The following ZNF367 variants were observed in gnomAD, a reference collection of about 807,000 sequenced individuals.
ZNF367 encodes C2H2 zinc finger protein ZFF29.
ZNF367 carries 11 observed loss-of-function variants against 31.8 expected under a neutral mutation model. The ratio of observed to expected loss-of-function variants is 0.35; its 90% CI spans 0.22 to 0.57. ZNF367 has a LOEUF of 0.57. ZNF367 is among the 20% of genes least tolerant of loss of function. The pLI is 0.85. For missense variants in ZNF367, 353 were observed against 484.1 expected, an observed-to-expected ratio of 0.73 and a Z score of 2.54; for synonymous variants, 199 against 202.4, an observed-to-expected ratio of 0.98 and a Z score of 0.14.
At chr9:96,405,314 C>CAAAAAAAAAA (rs975848691) in intron 1 of ZNF367, among the ~76,000 whole-genome samples, 42 of 55,084 alleles carry the variant, frequency 7.6e-4, no homozygotes, top group South Asian at 2.4e-3. Context: ...AACTCTGTCT[C>CAAAAAAAAAA]AAAAAAAAAA....
At chr9:96,415,562 A>C (rs1348577354) in intron 1 of ZNF367, among the ~76,000 whole-genome samples, 6 of 122,828 alleles carry the variant, frequency 4.9e-5, no homozygotes, top group Non-Finnish European at 9.4e-5. Context: ...CAATGGCGCA[A>C]TCTCGGCTCA....
intron 1 of ZNF367, among the ~76,000 whole-genome samples, chr9:96,414,712 G>A (rs1305573294): frequency 6.6e-6 from 1 of 152,132 alleles, no homozygotes; most frequent in Non-Finnish European, 1.5e-5. Context: ...TCTTGACCTC[G>A]TGACCAGCCA....
Position 96,392,440 on chromosome 9 carries a change from T to C in ZNF367, c.788A>G (p.His263Arg), listed in dbSNP as rs777872127. 3.1e-6 allele frequency: 5 copies of C among 1,614,234 alleles called. No individual in the cohort carries two copies. In the East Asian group the frequency reaches 6.7e-5, roughly 22 times the overall value. ...REEPTDTLSK[H>R]QAADNKAAAE... Reference sequence around the variant, plus strand: ...CGCGGCCTTGTTGTCGGCAGCCTGATGTTTGCTGAGTGTGTCCGTGGGCTC... The same window carrying C: ...CGCGGCCTTGTTGTCGGCAGCCTGACGTTTGCTGAGTGTGTCCGTGGGCTC... The change falls in exon 4 of 5, where the codon CAT (histidine) becomes CGT (arginine). Residue 263 changes from histidine to arginine, a missense_variant. Transcript: ENST00000375256.
In ZNF367 at chr9:96,415,485, T is replaced by C. The variant is rs1424109338; in HGVS notation, c.420+2128A>G. Among the ~76,000 whole-genome samples the C allele has an allele frequency of 5.6e-5, 4 of 71,694 alleles. No homozygotes were observed. In the East Asian group the frequency reaches 1.5e-3, roughly 27 times the overall value. 47.0% of individuals were successfully genotyped at this position (71,694 alleles called of 152,430 possible). A position where few individuals can be genotyped will look rare whatever the true frequency, so the allele number is the denominator to read the frequency against. ...TTCTATCGTTAGTTTCTTCATTTTT[T>C]TTTTTTTTTTTTTTTTTTTTTTTTT... On this transcript the variant is annotated intron_variant, in intron 1 of 4. Coordinates refer to ENST00000375256, the MANE Select transcript of ZNF367 (RefSeq NM_153695.4).
At chr9:96,411,328 C>T (rs930164042) in intron 1 of ZNF367, among the ~76,000 whole-genome samples, 1 of 151,678 alleles carries the variant, frequency 6.6e-6, no homozygotes, top group Non-Finnish European at 1.5e-5. Flanking sequence ...AGGAGAATTG[C>T]TTGAGTCCAA....
At chr9:96,415,015 A>C (rs1831799540) in intron 1 of ZNF367, among the ~76,000 whole-genome samples, 1 of 151,990 alleles carries the variant, frequency 6.6e-6, no homozygotes, top group Non-Finnish European at 1.5e-5. Flanking sequence ...TAAAACTTAT[A>C]AATGGTTAAC....
In ZNF367 at chr9:96,385,947, A is replaced by G. The variant is rs1276794958; in HGVS notation, c.*2290T>C. Reference sequence around the variant, plus strand: ...AATGACCGTGTACTTTAAATTTTAAATTAAAATAAATTTTTATTCAAAGCA... The same window carrying G: ...AATGACCGTGTACTTTAAATTTTAAGTTAAAATAAATTTTTATTCAAAGCA... On this transcript the variant is annotated 3_prime_UTR_variant, in exon 5 of 5. Transcript: ENST00000375256. The G allele has an allele frequency of 6.6e-6, 1 of 152,222 alleles. No homozygotes were observed. The highest frequency in any genetic ancestry group is 1.5e-5 in the Non-Finnish European group (1 of 68,036). The allele number at this position is 152,222 out of a possible 1,614,324, so 9.4% of individuals were successfully genotyped here. A position where few individuals can be genotyped will look rare whatever the true frequency, so the allele number is the denominator to read the frequency against.
chr9:96,413,194 T>A lies in ZNF367; in HGVS notation c.420+4419A>T, dbSNP rs76403569. 5.3e-3 allele frequency among the ~76,000 whole-genome samples: 813 copies of A among 152,310 alleles called. 11 individuals carry two copies. The highest frequency in any genetic ancestry group is 0.019 in the African/African-American group (774 of 41,570). On this transcript the variant is annotated intron_variant, in intron 1 of 4. Coordinates refer to ENST00000375256, the MANE Select transcript of ZNF367 (RefSeq NM_153695.4). ...CTAGATTTTGTCTTGGGGACTCTAA[T>A]TTCTCATTCCTCATCAGGTAAACAG...
At chr9:96,399,544 G>A (rs777443861) in intron 1 of ZNF367, among the ~76,000 whole-genome samples, 3 of 152,130 alleles carry the variant, frequency 2.0e-5, no homozygotes, top group South Asian at 2.1e-4. Context: ...AGTGTCGGGC[G>A]TGGTAGCTTA....
chr9:96,410,774 A>C (rs1437495491), intron 1 of ZNF367, among the ~76,000 whole-genome samples: 2 of 151,806 alleles, frequency 1.3e-5, no homozygotes, highest in Admixed American at 1.3e-4. Context: ...GCTACTTGGG[A>C]GGCTGAGGAA....
chr9:96,417,646 C>T lies in ZNF367; in HGVS notation c.387G>A (p.Glu129=), dbSNP rs962880752. 2 of 903,414 alleles carry T rather than the reference C, an allele frequency of 2.2e-6. No individual in the cohort carries two copies. The highest frequency in any genetic ancestry group is 2.9e-6 in the Non-Finnish European group (2 of 694,822). The allele number at this position is 903,414 out of a possible 1,614,324, so 56.0% of individuals were successfully genotyped here. A position where few individuals can be genotyped will look rare whatever the true frequency, so the allele number is the denominator to read the frequency against. ...GGCCGCTGTCTGGGCTGCTCGCTTC[C>T]TCCTCGTCCTCACCTCCCGAGGCGG... ...SAAASGGEDE[E]EASSPDSGHL... Residue 129 remains glutamate, a synonymous_variant, in exon 1 of 5, where the codon GAG becomes GAA. Coordinates refer to ENST00000375256, the MANE Select transcript of ZNF367 (RefSeq NM_153695.4). The surrounding 1 kb of genome is among the most constrained non-coding windows in gnomAD (Gnocchi z 5.0).
chr9:96,416,686 T>C (rs1010995493), intron 1 of ZNF367, among the ~76,000 whole-genome samples: 18 of 152,340 alleles, frequency 1.2e-4, no homozygotes, highest in Middle Eastern at 3.4e-3. Context: ...ACCTGGATAT[T>C]ACCCTTCTGT....
intron 2 of ZNF367, among the ~76,000 whole-genome samples, chr9:96,395,918 A>T (rs923635536): frequency 1.3e-5 from 2 of 152,242 alleles, no homozygotes; most frequent in Admixed American, 1.3e-4. Flanking sequence ...ATTGTACATT[A>T]GTTTGCATTT....
chr9:96,411,327 G>C (rs145165396), intron 1 of ZNF367, among the ~76,000 whole-genome samples: 1 of 152,012 alleles, frequency 6.6e-6, no homozygotes, highest in Admixed American at 6.6e-5. Context: ...CAGGAGAATT[G>C]CTTGAGTCCA....
intron 1 of ZNF367, among the ~76,000 whole-genome samples, chr9:96,412,694 TTTC>T (rs1317244546): frequency 2.9e-5 from 4 of 139,626 alleles, no homozygotes; most frequent in Non-Finnish European, 6.1e-5. Context: ...TTCTTTTTCT[TTTC>T]TTTTTTTTTT....
At chr9:96,411,172 C>T (rs903531397) in intron 1 of ZNF367, among the ~76,000 whole-genome samples, 1 of 140,342 alleles carries the variant, frequency 7.1e-6, no homozygotes, top group Non-Finnish European at 1.5e-5. Flanking sequence ...CGACAGAGAC[C>T]TTGTCTCAAA....
chr9:96,409,415 A>G (rs1158705639), intron 1 of ZNF367, among the ~76,000 whole-genome samples: 2 of 152,130 alleles, frequency 1.3e-5, no homozygotes, highest in African/African-American at 4.8e-5. Flanking sequence ...CCAGTGGTCA[A>G]CCCTCCCAGG....
At chr9:96,394,677 T>A (rs1233339290) in intron 3 of ZNF367, 146 bp downstream of exon 3, 2 of 793,392 alleles carry the variant, frequency 2.5e-6, no homozygotes, top group African/African-American at 3.5e-5. Context: ...ATTCAGCATG[T>A]ATCACAATTA....
At chr9:96,399,743 G>A (rs557961230) in intron 1 of ZNF367, among the ~76,000 whole-genome samples, 3 of 152,200 alleles carry the variant, frequency 2.0e-5, no homozygotes, top group South Asian at 2.1e-4. Context: ...GCTTGAACCC[G>A]AGAGGTGGAG....
Sources: allele counts gnomAD v4.1 joint callset (sites outside exome capture counted in the v4.1 genomes callset), GRCh38; gene constraint gnomAD v4.1.1; non-coding constraint Gnocchi (gnomAD v3.1); transcripts MANE v1.5; gene names NCBI Gene and HGNC (gene_info 2026-07-23, HGNC 2026-07-21).